The following PDZD2 variants were observed in gnomAD, a reference collection of about 807,000 sequenced individuals.
PDZD2 encodes the protein PDZ domain containing 2, also known as PDZ domain-containing protein 2.
In PDZD2, 90 loss-of-function variants were observed where a neutral mutation model predicts 220.7. The ratio of observed to expected loss-of-function variants is 0.41; its 90% CI spans 0.34 to 0.49. The LOEUF (loss-of-function observed/expected upper bound fraction) is 0.49. Among genes scored for constraint, PDZD2 ranks in the 20% least tolerant of loss-of-function variants. The pLI, the probability that PDZD2 is intolerant of heterozygous loss-of-function variation, is 0.28. For synonymous variants in PDZD2, 1,375 were observed against 1,450.5 expected, an observed-to-expected ratio of 0.95 and a Z score of 1.18; for missense variants, 3,174 against 3,608.5, an observed-to-expected ratio of 0.88 and a Z score of 3.08.
intron 6 of PDZD2, among the ~76,000 whole-genome samples, chr5:32,033,626 T>C (rs1372554322): frequency 2.4e-5 from 1 of 41,854 alleles, no homozygotes; most frequent in Non-Finnish European, 1.0e-4. Context: ...CATCTCTCTT[T>C]TTTTTTTTTT....
intron 19 of PDZD2, among the ~76,000 whole-genome samples, chr5:32,081,443 G>T (rs571367131): frequency 6.6e-6 from 1 of 152,322 alleles, no homozygotes; most frequent in Non-Finnish European, 1.5e-5. Context: ...AATTCTTTAA[G>T]GGTCCTCGTC....
intron 2 of PDZD2, among the ~76,000 whole-genome samples, chr5:31,877,454 AG>A (rs1350583140): frequency 6.6e-6 from 1 of 151,924 alleles, no homozygotes; most frequent in Non-Finnish European, 1.5e-5. Flanking sequence ...CCTGAGCTCA[AG>A]TTATCTGTCT....
rs185188095 is a variant in PDZD2, at chr5:31,972,881, G to C, written c.477-10274G>C. On this transcript the variant is annotated intron_variant, in intron 2 of 24. Coordinates refer to ENST00000438447, the MANE Select transcript of PDZD2 (RefSeq NM_178140.4). ...AGCTGTGTGTCTAGAGTTCTAATTT[G>C]ATTGTGTATAGACTGCAGGTAAATC... 8.9e-4 allele frequency among the ~76,000 whole-genome samples: 136 copies of C among 152,298 alleles called. 1 individual carries two copies. Among genetic ancestry groups the C allele is most frequent in the African/African-American group, 3.2e-3 (133 of 41,558 alleles).
intron 1 of PDZD2, among the ~76,000 whole-genome samples, chr5:31,779,590 G>T (rs906110787): frequency 3.3e-5 from 5 of 151,856 alleles, no homozygotes; most frequent in African/African-American, 1.2e-4. Flanking sequence ...AGCCAGGATG[G>T]TCTCGATCTC....
At chr5:31,839,664 C>A (rs1434806906) in intron 2 of PDZD2, among the ~76,000 whole-genome samples, 1 of 152,172 alleles carries the variant, frequency 6.6e-6, no homozygotes, top group Non-Finnish European at 1.5e-5. Context: ...GTCTGAGCAA[C>A]ATGGCAAAAC....
chr5:32,098,248 TA>T lies in PDZD2; in HGVS notation c.7948-111del. 1 of 1,047,586 alleles carries T rather than the reference TA, an allele frequency of 9.5e-7. No individual in the cohort carries two copies. The highest frequency in any genetic ancestry group is 1.4e-6 in the Non-Finnish European group (1 of 727,652). The allele number at this position is 1,047,586 out of a possible 1,614,324, so 64.9% of individuals were successfully genotyped here. On this transcript the variant is annotated intron_variant, in intron 22 of 24. Coordinates refer to ENST00000438447, the MANE Select transcript of PDZD2 (RefSeq NM_178140.4). The surrounding 1 kb of genome is among the most constrained non-coding windows in gnomAD (Gnocchi z 4.1). ...CACAGCGAGACTCCCTCTCAAAAAA[TA>T]AAAATAAAAAAGGAAGGTTCCTTTA...
chr5:31,799,547 G>A lies in PDZD2; in HGVS notation c.299G>A (p.Arg100His), dbSNP rs753717715. 9.9e-6 allele frequency: 16 copies of A among 1,613,984 alleles called. No homozygotes were observed. The highest frequency in any genetic ancestry group is 3.3e-5 in the Admixed American group (2 of 60,004). The change falls in exon 2 of 25, where the codon CGC (arginine) becomes CAC (histidine). Residue 100 changes from arginine (R) to histidine (H), a missense_variant. By Grantham distance (29) the Arg-to-His change is conservative (BLOSUM62 0). Transcript: ENST00000438447. ...IPVFGDYGEK[R>H]RGGKKRKTHQ... ...GTTTTCGGGGACTATGGTGAAAAGC[G>A]CAGGGGGGGCAAGAAGAGGAAAACC...
intron 2 of PDZD2, among the ~76,000 whole-genome samples, chr5:31,930,490 C>T (rs899208492): frequency 5.3e-5 from 8 of 152,008 alleles, no homozygotes; most frequent in African/African-American, 9.7e-5. Flanking sequence ...TGAGCCACCG[C>T]GTCCGGCCAG....
At chr5:31,952,140 A>G (rs1234931709) in intron 2 of PDZD2, among the ~76,000 whole-genome samples, 1 of 152,234 alleles carries the variant, frequency 6.6e-6, no homozygotes, top group East Asian at 1.9e-4. Flanking sequence ...GCCAGAATTA[A>G]ACTCTTTTTA....
At chr5:32,042,233 G>T (rs1756242762) in intron 7 of PDZD2, among the ~76,000 whole-genome samples, 1 of 147,410 alleles carries the variant, frequency 6.8e-6, no homozygotes, top group Non-Finnish European at 1.5e-5. Context: ...CTGCACTCCA[G>T]CCTGGGCGAC....
intron 6 of PDZD2, among the ~76,000 whole-genome samples, chr5:32,032,748 C>T (rs183098726): frequency 3.9e-5 from 6 of 152,274 alleles, no homozygotes; most frequent in Non-Finnish European, 8.8e-5. Context: ...TTATTTAATT[C>T]CCAAATGCAG....
chr5:31,678,129 T>C (rs115001747), intron 1 of PDZD2, among the ~76,000 whole-genome samples: 81 of 152,314 alleles, frequency 5.3e-4, no homozygotes, highest in African/African-American at 1.9e-3. Context: ...GGACAGATGG[T>C]CAGCGAGCAT....
chr5:31,821,614 C>T (rs1391612203), intron 2 of PDZD2, among the ~76,000 whole-genome samples: 1 of 152,066 alleles, frequency 6.6e-6, no homozygotes, highest in Non-Finnish European at 1.5e-5. Flanking sequence ...CTTTTGACCT[C>T]GTGATCTACC....
chr5:32,098,505 C>T lies in PDZD2; in HGVS notation c.8089C>T (p.His2697Tyr). The change falls in exon 23 of 25, where the codon CAC becomes TAC. Residue 2697 changes from histidine to tyrosine, a missense_variant. By Grantham distance (83) the His-to-Tyr change is moderately conservative. Transcript: ENST00000438447. This position sits in a 1 kb window ranked among gnomAD's most constrained non-coding sequence, Gnocchi z 4.1. ...GAAGGTTCTGCACCAGGCACAGCTGCACAAAGATGCCCTCGTGGTCATCAA... is the reference window on the plus strand; with the variant it reads ...GAAGGTTCTGCACCAGGCACAGCTGTACAAAGATGCCCTCGTGGTCATCAA... ...VLKVLHQAQL[H>Y]KDALVVIKKG... 1 of 1,614,186 alleles carries T rather than the reference C, an allele frequency of 6.2e-7. No homozygotes were observed. The highest frequency in any genetic ancestry group is 8.5e-7 in the Non-Finnish European group (1 of 1,180,034).
intron 5 of PDZD2, among the ~76,000 whole-genome samples, chr5:32,008,074 G>C (rs1752977969): frequency 6.6e-6 from 1 of 150,938 alleles, no homozygotes; most frequent in Admixed American, 6.7e-5. Flanking sequence ...AGGACTACTT[G>C]AGGCCAGGAG....
intron 1 of PDZD2, among the ~76,000 whole-genome samples, chr5:31,688,249 A>G (rs966569244): frequency 6.6e-6 from 1 of 152,188 alleles, no homozygotes; most frequent in Non-Finnish European, 1.5e-5. Flanking sequence ...AAAAGAAAAA[A>G]AAAACTCAGT....
intron 1 of PDZD2, among the ~76,000 whole-genome samples, chr5:31,705,931 A>G (rs1747802854): frequency 6.6e-6 from 1 of 152,152 alleles, no homozygotes; most frequent in African/African-American, 2.4e-5. Context: ...GGTGCCTGTA[A>G]TCCCAGGTAC....
intron 2 of PDZD2, among the ~76,000 whole-genome samples, chr5:31,905,075 TCTC>T (rs1742520520): frequency 6.6e-6 from 1 of 151,892 alleles, no homozygotes; most frequent in African/African-American, 2.4e-5. Flanking sequence ...TTCAAGCAAT[TCTC>T]CTACCTCAGC....
At chr5:31,929,807 T>C in intron 2 of PDZD2, among the ~76,000 whole-genome samples, 1 of 152,068 alleles carries the variant, frequency 6.6e-6, no homozygotes. Context: ...GATGCAGGCA[T>C]TGATATAGTT....
Sources: gnomAD v4.1 joint callset for allele counts (sites outside exome capture counted in the v4.1 genomes callset) on GRCh38, gnomAD v4.1.1 for gene constraint, Gnocchi (gnomAD v3.1) non-coding constraint, MANE v1.5 for transcripts, NCBI Gene and HGNC (gene_info 2026-07-23, HGNC 2026-07-21) for gene names.